Variants in NID1 observed in about 807,000 individuals in gnomAD.
NID1 encodes the protein nidogen-1.
Under a neutral mutation model 130.6 loss-of-function variants are expected in NID1, and 76 were observed. The ratio of observed to expected loss-of-function variants is 0.58; its 90% confidence interval spans 0.48 to 0.70. The LOEUF is 0.70. NID1 is among the 30% of genes least tolerant of loss of function. The probability of loss-of-function intolerance (pLI) is 0.00; values close to 1 mark genes in which losing one functional copy is unlikely to be tolerated. For synonymous variants in NID1, 665 were observed against 675.1 expected (o/e 0.98, Z 0.23); for missense variants, 1,517 against 1,664.8 (o/e 0.91, Z 1.54).
At chr1:236,035,909 C>A (rs1426071473) in intron 5 of NID1, among the ~76,000 whole-genome samples, 1 of 152,076 alleles carries the variant, frequency 6.6e-6, no homozygotes, top group East Asian at 1.9e-4. Context: ...AGAAACCAAA[C>A]AAAAAATTTT....
chr1:236,042,050 A>T lies in NID1; in HGVS notation c.995T>A (p.Leu332His), dbSNP rs753934362. The T allele has an allele frequency of 4.3e-6, 7 of 1,614,106 alleles. No individual in the cohort carries two copies. Among genetic ancestry groups the T allele is most frequent in the Middle Eastern group, 1.6e-4 (1 of 6,062 alleles). The change falls in exon 4 of 20, where the codon CTC (leucine) becomes CAC (histidine). Residue 332 changes from leucine to histidine, a missense_variant. Leu to His is a moderately conservative substitution (Grantham distance 99, BLOSUM62 -3). Around this residue, in one of 3 missense-constraint regions of NID1, gnomAD observed 1,329 missense variants for 1,429.2 expected, o/e 0.93. Coordinates refer to ENST00000264187, the MANE Select transcript of NID1 (RefSeq NM_002508.3). ...TTCGGTAGCTGCCCGGCGCGGGGAG[A>T]GGACGCTGGGCACACTGTATGTGTC... ...GADTYSVPSV[L>H]SPRRAATERP...
chr1:235,998,903 G>A (rs888366844), intron 12 of NID1, among the ~76,000 whole-genome samples: 4 of 152,020 alleles, frequency 2.6e-5, no homozygotes, highest in African/African-American at 9.7e-5. Context: ...CCACAGCACT[G>A]GTTGGTGGCT....
rs376792975 is a variant in NID1 at position 236,026,728 on chromosome 1, ATTTC to A, written c.1739-591_1739-588del. ...CTCAATTATGATTCAATAAATGGTG[ATTTC>A]TTTTTCATTTTTTTTTTTTTTTTTG... On this transcript the variant is annotated intron_variant, in intron 7 of 19. Coordinates refer to ENST00000264187, the MANE Select transcript of NID1 (RefSeq NM_002508.3). Among the ~76,000 whole-genome samples, 1,133 of 149,138 alleles carry A rather than the reference ATTTC, an allele frequency of 7.6e-3. 16 individuals carry two copies. Among genetic ancestry groups the A allele is most frequent in the African/African-American group, 0.027 (1,091 of 39,684 alleles).
At chr1:236,005,450 T>C (rs1016919841) in intron 12 of NID1, among the ~76,000 whole-genome samples, 3 of 152,214 alleles carry the variant, frequency 2.0e-5, no homozygotes, top group Non-Finnish European at 4.4e-5. Context: ...GTCTGTTTTT[T>C]CTGATTGCAA....
At chr1:235,978,355 G>A (rs1657331241) in intron 19 of NID1, among the ~76,000 whole-genome samples, 1 of 152,190 alleles carries the variant, frequency 6.6e-6, no homozygotes, top group Admixed American at 6.5e-5. Context: ...ACTGACAGAA[G>A]AAGATGAGGG....
Position 235,981,798 on chromosome 1 carries a change from G to T in NID1, c.3056-16C>A. On this transcript the variant is annotated splice_polypyrimidine_tract_variant and intron_variant, in intron 15 of 19. Coordinates refer to ENST00000264187, the MANE Select transcript of NID1 (RefSeq NM_002508.3). Reference sequence around the variant, plus strand: ...CTTCCAAGATCTAGAAGTAAACACAGAGCTCCTCTAATTTTTTTTGTTTTC... The same window carrying T: ...CTTCCAAGATCTAGAAGTAAACACATAGCTCCTCTAATTTTTTTTGTTTTC... 6.3e-7 allele frequency: 1 copy of T among 1,576,300 alleles called. No homozygotes were observed. The highest frequency in any genetic ancestry group is 1.2e-5 in the South Asian group (1 of 86,014).
At chr1:236,050,569 T>C (rs1659738347) in intron 1 of NID1, among the ~76,000 whole-genome samples, 1 of 150,134 alleles carries the variant, frequency 6.7e-6, no homozygotes, top group African/African-American at 2.5e-5. Flanking sequence ...AAAAAAAAGA[T>C]ATCACTGTTC....
At chr1:236,054,704 C>T (rs72765466) in intron 1 of NID1, among the ~76,000 whole-genome samples, 31,586 of 150,890 alleles carry the variant, frequency 0.21, 3,986 homozygotes, top group East Asian at 0.34. Context: ...TGCAGTGGTG[C>T]AGTCTCGGCT....
chr1:236,000,366 A>C (rs1658043701), intron 12 of NID1, among the ~76,000 whole-genome samples: 1 of 152,190 alleles, frequency 6.6e-6, no homozygotes, highest in African/African-American at 2.4e-5. Flanking sequence ...ACAAGCCCTT[A>C]TCATAACCCA....
chr1:236,039,856 C>A (rs1659396589), intron 4 of NID1, among the ~76,000 whole-genome samples: 1 of 152,168 alleles, frequency 6.6e-6, no homozygotes, highest in African/African-American at 2.4e-5. Context: ...TAAACTCCAG[C>A]TGTGGGCAGA....
chr1:236,058,374 G>T (rs1659949267), intron 1 of NID1, among the ~76,000 whole-genome samples: 1 of 152,066 alleles, frequency 6.6e-6, no homozygotes, highest in Non-Finnish European at 1.5e-5. Flanking sequence ...CAAACAATAC[G>T]GCTTTTCATC....
rs1461527777 is a variant in NID1, at chr1:236,022,221, T to C, written c.2128+1849A>G. ...GGTTGAGGCTGGAGTGAGCCAAGAT[T>C]GTGCCACTGCACTTCAGCCTGGGCA... On this transcript the variant is annotated intron_variant, in intron 9 of 19. Transcript: ENST00000264187. Among the ~76,000 whole-genome samples, 3 of 151,928 alleles carry C rather than the reference T, an allele frequency of 2.0e-5. No individual in the cohort carries two copies. In the East Asian group the frequency reaches 5.8e-4, roughly 29 times the overall value.
At chr1:236,034,506 C>G (rs1295067893) in intron 5 of NID1, among the ~76,000 whole-genome samples, 2 of 151,158 alleles carry the variant, frequency 1.3e-5, no homozygotes, top group East Asian at 3.9e-4. Flanking sequence ...ACCTTGAAAT[C>G]ATCATCATGC....
rs747099610 is a variant in NID1, at chr1:235,981,674, C to G, written c.3164G>C (p.Arg1055Pro). The change falls in exon 16 of 20, where the codon CGC becomes CCC. Residue 1055 changes from arginine to proline, a missense_variant. Transcript: ENST00000264187. ...CAAGTCAGTCTCAAAGAGCACCCGG[C>G]GCTGCGTGCCGTCCAGCTTCGCCAC... ...IEVAKLDGTQRRVLFETDLVN... is the reference protein window; with the variant it reads ...IEVAKLDGTQPRVLFETDLVN... 6.2e-7 allele frequency: 1 copy of G among 1,614,196 alleles called. No homozygotes were observed. The highest frequency in any genetic ancestry group is 8.5e-7 in the Non-Finnish European group (1 of 1,180,034).
intron 12 of NID1, among the ~76,000 whole-genome samples, chr1:236,002,768 G>A (rs1257636838): frequency 6.6e-6 from 1 of 152,122 alleles, no homozygotes; most frequent in Non-Finnish European, 1.5e-5. Context: ...ATCACTCCGC[G>A]GATTTGGAAA....
intron 1 of NID1, among the ~76,000 whole-genome samples, chr1:236,060,471 G>A (rs1660009186): frequency 6.6e-6 from 1 of 152,166 alleles, no homozygotes; most frequent in Admixed American, 6.5e-5. Flanking sequence ...AGGGAATGCA[G>A]TCCAGTAGGT....
intron 14 of NID1, among the ~76,000 whole-genome samples, chr1:235,989,277 T>C (rs1373488673): frequency 1.3e-5 from 2 of 152,180 alleles, no homozygotes; most frequent in East Asian, 3.9e-4. Context: ...GGCTGTAAAT[T>C]ATCTGCTTTT....
intron 1 of NID1, among the ~76,000 whole-genome samples, chr1:236,050,789 A>ATCCCC (rs1225020117): frequency 6.6e-6 from 1 of 151,814 alleles, no homozygotes; most frequent in African/African-American, 2.4e-5. Flanking sequence ...AAAGAAAAAA[A>ATCCCC]TCCCCTAGCT....
intron 2 of NID1, 25 bp downstream of exon 2, chr1:236,048,665 C>T (rs1448192735): frequency 1.2e-6 from 2 of 1,601,082 alleles, no homozygotes; most frequent in Non-Finnish European, 1.7e-6. Context: ...TGATTACCTG[C>T]ACTTGGACCT....
Sources: gnomAD v4.1 joint callset for allele counts (sites outside exome capture counted in the v4.1 genomes callset) on GRCh38, gnomAD v4.1.1 for gene constraint, gnomAD v4.1.1 regional missense constraint, MANE v1.5 for transcripts, NCBI Gene and HGNC (gene_info 2026-07-23, HGNC 2026-07-21) for gene names.